Variants in APOO observed in about 807,000 individuals in gnomAD.
APOO encodes the protein MICOS complex subunit MIC26.
In APOO, 11 loss-of-function variants were observed where a neutral mutation model predicts 23.1. The observed-to-expected ratio is 0.48, with a 90% CI of 0.30 to 0.79. The LOEUF is 0.79. APOO is among the 30% of genes least tolerant of loss of function. The pLI, the probability that APOO is intolerant of heterozygous loss-of-function variation, is 0.07. For missense variants in APOO, 160 were observed against 142.7 expected, an observed-to-expected ratio of 1.12 and a Z score of -0.62; for synonymous variants, 59 against 54.8, an observed-to-expected ratio of 1.08 and a Z score of -0.34.
chrX:23,906,353 T>C (rs899719219), intron 1 of APOO, among the ~76,000 whole-genome samples: 1 of 112,615 alleles, frequency 8.9e-6, no homozygotes, highest in African/African-American at 3.2e-5. Context: ...CAATTGGAGA[T>C]TGCTAAAAAT....
intron 1 of APOO, among the ~76,000 whole-genome samples, chrX:23,895,895 G>T (rs1240848118): frequency 9.2e-6 from 1 of 109,169 alleles, no homozygotes; most frequent in African/African-American, 3.3e-5. Context: ...AAAGAGGAAG[G>T]GGACTTGTAG....
At chrX:23,867,913 C>T (rs1248337000) in intron 5 of APOO, among the ~76,000 whole-genome samples, 1 of 111,890 alleles carries the variant, frequency 8.9e-6, no homozygotes, top group African/African-American at 3.2e-5. Context: ...ATACAGGGAC[C>T]AGAGTAGTCT....
intron 5 of APOO, among the ~76,000 whole-genome samples, chrX:23,868,019 A>C (rs923663010): frequency 2.0e-4 from 22 of 112,618 alleles, no homozygotes; most frequent in African/African-American, 7.1e-4. Context: ...ATAAACATTT[A>C]GTTTCCAACT....
At chrX:23,874,549 A>T (rs1925758646) in intron 3 of APOO, 92 bp from the exon 4 acceptor site, 1 of 769,399 alleles carries the variant, frequency 1.3e-6, no homozygotes, top group African/African-American at 2.1e-5. Context: ...TTACTGAATA[A>T]ATTATCATGT....
intron 1 of APOO, among the ~76,000 whole-genome samples, chrX:23,892,312 C>T (rs1335191054): frequency 2.0e-5 from 2 of 101,202 alleles, no homozygotes; most frequent in African/African-American, 3.5e-5. Context: ...AGTGCAGTGG[C>T]GCGATCTCCA....
chrX:23,861,817 T>C lies in APOO; in HGVS notation c.389-3084A>G, dbSNP rs1372467091. ...AGTTCTTTTTTTTTTTTTTTTTTTT[T>C]TCCCGAGACGGAGTCTTGCTCTGTT... is the stretch of plus-strand genomic sequence containing the variant. On this transcript the variant is annotated intron_variant, in intron 5 of 8. Transcript: ENST00000379226. Among the ~76,000 whole-genome samples, 6 of 101,007 alleles carry C rather than the reference T, an allele frequency of 5.9e-5. No individual in the cohort carries two copies. In the Admixed American group the frequency reaches 6.6e-4, roughly 11 times the overall value. The allele number at this position is 101,007 out of a possible 115,157, so 87.7% of individuals were successfully genotyped here. A position where few individuals can be genotyped will look rare whatever the true frequency, so the allele number is the denominator to read the frequency against.
intron 4 of APOO, among the ~76,000 whole-genome samples, chrX:23,872,521 T>TTATATATATATATATATA (rs773219545): frequency 1.8e-3 from 166 of 93,179 alleles, no homozygotes; most frequent in African/African-American, 6.4e-3. Context: ...TTATGAGAAT[T>TTATATATATATATATATA]TATATATATA....
intron 2 of APOO, among the ~76,000 whole-genome samples, chrX:23,879,599 C>T (rs1459802896): frequency 8.9e-6 from 1 of 112,484 alleles, no homozygotes; most frequent in Non-Finnish European, 1.9e-5. Flanking sequence ...CCACTGACTA[C>T]AAACAAAGCA....
rs897204524 is a variant in APOO at position 23,854,509 on chromosome X, G to T, written c.561+1793C>A. Among the ~76,000 whole-genome samples the T allele has an allele frequency of 3.6e-5, 4 of 111,543 alleles. No individual in the cohort carries two copies. The East Asian group carries it at 1.1e-3, about 31-fold the overall frequency. On this transcript the variant is annotated intron_variant, in intron 7 of 8. Coordinates refer to ENST00000379226, the MANE Select transcript of APOO (RefSeq NM_024122.5). ...CCCATATAAAATTTAGTGTGCATTT[G>T]TTTTTTTGCTTGTTTGTTTTTGTTT...
rs1555961718 is a variant in APOO, at chrX:23,879,089, A to G, written c.118-55T>C. 3 of 1,118,893 alleles carry G rather than the reference A, an allele frequency of 2.7e-6. No homozygotes were observed. The South Asian group carries it at 6.5e-5, about 24-fold the overall frequency. The allele number at this position is 1,118,893 out of a possible 1,213,427, so 92.2% of individuals were successfully genotyped here. A position where few individuals can be genotyped will look rare whatever the true frequency, so the allele number is the denominator to read the frequency against. ...AAAAGATGTACTGTCTACAGGATACATTTATCAAATTTGTAAGTATTTAAT... is the reference window on the plus strand; with the variant it reads ...AAAAGATGTACTGTCTACAGGATACGTTTATCAAATTTGTAAGTATTTAAT... On this transcript the variant is annotated intron_variant, in intron 2 of 8. Transcript: ENST00000379226.
At chrX:23,866,246 G>A (rs5925947) in intron 5 of APOO, among the ~76,000 whole-genome samples, 9,302 of 111,703 alleles carry the variant, frequency 0.083, 386 homozygotes, top group South Asian at 0.16. Flanking sequence ...AATCTCAAAC[G>A]CTATCTAAAT....
At chrX:23,895,745 T>G (rs921027870) in intron 1 of APOO, among the ~76,000 whole-genome samples, 2 of 110,058 alleles carry the variant, frequency 1.8e-5, no homozygotes, top group Non-Finnish European at 3.8e-5. Flanking sequence ...GTGTCCAACA[T>G]AAACTTTTCT....
intron 3 of APOO, 47 bp from the exon 4 acceptor site, chrX:23,874,504 T>G (rs1194610024): frequency 9.7e-7 from 1 of 1,031,408 alleles, no homozygotes; most frequent in Non-Finnish European, 1.4e-6. Flanking sequence ...CAGGATCTGC[T>G]GATTAGAAAG....
Position 23,880,863 on chromosome X carries a change from A to C in APOO, c.99T>G (p.Asn33Lys). The change falls in exon 2 of 9, where the codon AAT (asparagine) becomes AAG (lysine). Residue 33 changes from asparagine to lysine, a missense_variant. Asn to Lys is a moderately conservative substitution (Grantham distance 94, BLOSUM62 0). Transcript: ENST00000379226. ...ATGTTACCTCATCAACCTTCACGGA[A>C]TTTTTGGGAGGTGAGTCCTTTTTTG... Reference protein sequence around the residue: ...AAPKKDSPPKNSVKVDELSLY... With the variant: ...AAPKKDSPPKKSVKVDELSLY... 1 of 1,184,722 alleles carries C rather than the reference A, an allele frequency of 8.4e-7. No homozygotes were observed. Among genetic ancestry groups the C allele is most frequent in the Non-Finnish European group, 1.1e-6 (1 of 883,600 alleles).
intron 7 of APOO, among the ~76,000 whole-genome samples, chrX:23,842,698 G>A (rs777621511): frequency 2.0e-4 from 22 of 111,116 alleles, no homozygotes; most frequent in Middle Eastern, 4.6e-3. Context: ...TCCAACAATC[G>A]GGTCTGGCAT....
At chrX:23,893,036 T>C (rs1043822922) in intron 1 of APOO, among the ~76,000 whole-genome samples, 10 of 110,118 alleles carry the variant, frequency 9.1e-5, no homozygotes, top group African/African-American at 1.3e-4. Flanking sequence ...GAACTCAGAA[T>C]ACAACAAAAT....
intron 1 of APOO, among the ~76,000 whole-genome samples, chrX:23,903,367 C>A (rs1469948889): frequency 9.5e-6 from 1 of 105,146 alleles, no homozygotes; most frequent in East Asian, 2.9e-4. Flanking sequence ...GAGACTCCAT[C>A]TAGAAAAAAA....
chrX:23,884,917 C>A (rs1238312377), intron 1 of APOO, among the ~76,000 whole-genome samples: 1 of 111,384 alleles, frequency 9.0e-6, no homozygotes, highest in Non-Finnish European at 1.9e-5. Flanking sequence ...CAGAGACCGA[C>A]AGACAGCTAG....
At chrX:23,850,393 G>A (rs1924477973) in intron 7 of APOO, among the ~76,000 whole-genome samples, 1 of 112,149 alleles carries the variant, frequency 8.9e-6, no homozygotes, top group Non-Finnish European at 1.9e-5. Context: ...GCATCATCTA[G>A]TAAAACTGAA....
Sources: gnomAD v4.1 joint callset for allele counts (sites outside exome capture counted in the v4.1 genomes callset) on GRCh38, gnomAD v4.1.1 for gene constraint, MANE v1.5 for transcripts, NCBI Gene and HGNC (gene_info 2026-07-23, HGNC 2026-07-21) for gene names.